NCAM2: variants seen among roughly 807,000 people sequenced by gnomAD.
NCAM2 encodes N-CAM-2.
In NCAM2, 30 loss-of-function variants were observed where a neutral mutation model predicts 98.1. The observed-to-expected ratio is 0.31, with a 90% confidence interval of 0.23 to 0.41. The LOEUF is 0.41. Ranked by LOEUF, NCAM2 falls within the 10% of genes least tolerant of loss-of-function variation. NCAM2 has a pLI of 1.00. For missense variants in NCAM2, 867 were observed against 1,005.8 expected (o/e 0.86, Z 1.87); for synonymous variants, 368 against 342.4 (o/e 1.07, Z -0.83).
At chr21:21,448,626 CTAGAG>C (rs1236849239) in intron 12 of NCAM2, among the ~76,000 whole-genome samples, 5 of 151,924 alleles carry the variant, frequency 3.3e-5, no homozygotes, top group Non-Finnish European at 7.4e-5. Context: ...AATTTTTCTA[CTAGAG>C]TATTTTCTAT....
intron 5 of NCAM2, among the ~76,000 whole-genome samples, chr21:21,309,374 C>T (rs939678593): frequency 2.0e-5 from 3 of 151,996 alleles, no homozygotes; most frequent in Admixed American, 1.3e-4. Flanking sequence ...TGCCTTTAAG[C>T]TTTGTTAAGT....
At chr21:21,204,291 A>T (rs1434506772) in intron 1 of NCAM2, among the ~76,000 whole-genome samples, 1 of 152,188 alleles carries the variant, frequency 6.6e-6, no homozygotes, top group Admixed American at 6.5e-5. Flanking sequence ...TAATAAAAAT[A>T]TAAATATTAT....
chr21:21,225,054 T>TA (rs2070325514), intron 1 of NCAM2, among the ~76,000 whole-genome samples: 1 of 152,006 alleles, frequency 6.6e-6, no homozygotes, highest in African/African-American at 2.4e-5. Context: ...ATGGTACATA[T>TA]ACACCATGGA....
chr21:21,343,248 T>C (rs2075093872), intron 8 of NCAM2, among the ~76,000 whole-genome samples: 1 of 151,914 alleles, frequency 6.6e-6, no homozygotes, highest in East Asian at 1.9e-4. Context: ...ACCCATGCCA[T>C]ATAAAACAAT....
rs539314558 is a variant in NCAM2, at chr21:21,456,569, A to G, written c.1655-10037A>G. Among the ~76,000 whole-genome samples, 239 of 152,300 alleles carry G rather than the reference A, an allele frequency of 1.6e-3. 1 individual carries two copies. The highest frequency in any genetic ancestry group is 2.9e-3 in the Non-Finnish European group (198 of 68,014). On this transcript the variant is annotated intron_variant, in intron 12 of 17. Coordinates refer to ENST00000400546, the MANE Select transcript of NCAM2 (RefSeq NM_004540.5). ...CTCTAATAGTTTAAATTAAATTTTA[A>G]AAAGATCTTACACCATATGCAAAAA...
At chr21:21,412,680 C>A (rs936335795) in intron 10 of NCAM2, among the ~76,000 whole-genome samples, 3 of 152,178 alleles carry the variant, frequency 2.0e-5, no homozygotes, top group Non-Finnish European at 4.4e-5. Context: ...GCCAGGTGAT[C>A]TGTTGGCTAA....
intron 12 of NCAM2, among the ~76,000 whole-genome samples, chr21:21,443,919 G>A (rs574210280): frequency 6.6e-6 from 1 of 152,214 alleles, no homozygotes; most frequent in Admixed American, 6.6e-5. Flanking sequence ...ATTTGTACTG[G>A]TTATCAAAGG....
At chr21:21,414,614 TGCC>T (rs2076952318) in intron 10 of NCAM2, among the ~76,000 whole-genome samples, 1 of 151,730 alleles carries the variant, frequency 6.6e-6, no homozygotes, top group Non-Finnish European at 1.5e-5. Context: ...GGATTACAGG[TGCC>T]TGCCACCACG....
intron 12 of NCAM2, among the ~76,000 whole-genome samples, chr21:21,448,397 G>A (rs1237900663): frequency 6.6e-6 from 1 of 151,892 alleles, no homozygotes; most frequent in Non-Finnish European, 1.5e-5. Flanking sequence ...TGTTGAGTGT[G>A]TGGGGGCAAA....
intron 1 of NCAM2, among the ~76,000 whole-genome samples, chr21:21,010,859 AGG>A (rs2064196787): frequency 6.6e-6 from 1 of 152,134 alleles, no homozygotes; most frequent in South Asian, 2.1e-4. Context: ...AAACGCATGC[AGG>A]GAGCTGAGGT....
intron 16 of NCAM2, among the ~76,000 whole-genome samples, chr21:21,525,308 A>G (rs1035595913): frequency 2.0e-5 from 3 of 152,258 alleles, no homozygotes; most frequent in Admixed American, 1.3e-4. Context: ...AAGAAAATAC[A>G]CAAGAATATC....
intron 8 of NCAM2, among the ~76,000 whole-genome samples, chr21:21,354,296 A>G (rs998555488): frequency 1.3e-5 from 2 of 152,148 alleles, no homozygotes; most frequent in African/African-American, 4.8e-5. Flanking sequence ...ATAAATTATA[A>G]CTATCTTAAG....
At chr21:21,290,651 C>A (rs1225604230) in intron 4 of NCAM2, among the ~76,000 whole-genome samples, 2 of 151,912 alleles carry the variant, frequency 1.3e-5, no homozygotes, top group East Asian at 3.9e-4. Context: ...ATTAGAATCA[C>A]TATTTTCACT....
chr21:21,359,213 C>A (rs1602097908), intron 8 of NCAM2, among the ~76,000 whole-genome samples: 1 of 151,670 alleles, frequency 6.6e-6, no homozygotes, highest in East Asian at 1.9e-4. Context: ...TACTAGTGCC[C>A]CAAGAGCAAT....
intron 1 of NCAM2, among the ~76,000 whole-genome samples, chr21:21,109,358 A>G (rs2066410094): frequency 6.6e-6 from 1 of 152,156 alleles, no homozygotes; most frequent in Non-Finnish European, 1.5e-5. Flanking sequence ...AGCTAAATCC[A>G]TGAATTAGCT....
chr21:21,387,577 CT>C (rs1220834730), intron 9 of NCAM2, among the ~76,000 whole-genome samples: 1 of 152,078 alleles, frequency 6.6e-6, no homozygotes, highest in Non-Finnish European at 1.5e-5. Context: ...CAGCCTCACA[CT>C]GTTCATATGG....
chr21:21,262,684 C>G (rs914027137), intron 1 of NCAM2, among the ~76,000 whole-genome samples: 8 of 125,648 alleles, frequency 6.4e-5, no homozygotes, highest in African/African-American at 1.7e-4. Context: ...AAAAAGATGT[C>G]TTGCAAATAG....
intron 4 of NCAM2, among the ~76,000 whole-genome samples, chr21:21,288,414 C>G (rs8132834): frequency 0.77 from 116,398 of 151,766 alleles, 44,793 homozygotes; most frequent in South Asian, 0.85. Context: ...GCTAAAATTA[C>G]ATGTGTTTAG....
intron 1 of NCAM2, among the ~76,000 whole-genome samples, chr21:21,258,588 C>A (rs923672515): frequency 1.3e-5 from 2 of 152,158 alleles, no homozygotes; most frequent in African/African-American, 2.4e-5. Context: ...CCTAAGGAAA[C>A]ACTGTCAGTG....
Sources: allele counts gnomAD v4.1 joint callset (sites outside exome capture counted in the v4.1 genomes callset), GRCh38; gene constraint gnomAD v4.1.1; transcripts MANE v1.5; gene names NCBI Gene and HGNC (gene_info 2026-07-23, HGNC 2026-07-21).